MDGA2: variants seen among roughly 807,000 people sequenced by gnomAD.
MDGA2 encodes the protein MAM domain containing glycosylphosphatidylinositol anchor 2.
A neutral mutation model predicts 117.8 loss-of-function variants in MDGA2; 40 were observed. The ratio of observed to expected loss-of-function variants is 0.34; its 90% CI spans 0.26 to 0.44. The LOEUF (loss-of-function observed/expected upper bound fraction) is 0.44. Ranked by LOEUF, MDGA2 falls within the 20% of genes least tolerant of loss-of-function variation. MDGA2 has a pLI of 1.00. For synonymous variants in MDGA2, 452 were observed against 439.0 expected (o/e 1.03, Z -0.37); for missense variants, 1,123 against 1,250.6 (o/e 0.90, Z 1.54).
At chr14:47,200,352 G>A (rs1885446807) in intron 3 of MDGA2, among the ~76,000 whole-genome samples, 2 of 151,624 alleles carry the variant, frequency 1.3e-5, no homozygotes, top group South Asian at 2.1e-4. Flanking sequence ...AGAACAGAAT[G>A]AACGAAACAA....
chr14:46,982,738 C>CAAAAAAAAAAAAAA (rs1566558888), intron 8 of MDGA2, among the ~76,000 whole-genome samples: 1 of 120,260 alleles, frequency 8.3e-6, no homozygotes, highest in African/African-American at 3.1e-5. Context: ...AAAAAAAAAT[C>CAAAAAAAAAAAAAA]ATGTCATCTG....
chr14:47,259,848 T>G (rs1035441410), intron 2 of MDGA2, among the ~76,000 whole-genome samples: 1 of 152,004 alleles, frequency 6.6e-6, no homozygotes, highest in African/African-American at 2.4e-5. Context: ...GAAAGAGGGC[T>G]AGTTGAAGAA....
chr14:47,358,038 T>C (rs1216057440), intron 1 of MDGA2, among the ~76,000 whole-genome samples: 1 of 152,104 alleles, frequency 6.6e-6, no homozygotes, highest in African/African-American at 2.4e-5. Flanking sequence ...CACCTTGAGG[T>C]CTTGTTTCAA....
intron 1 of MDGA2, among the ~76,000 whole-genome samples, chr14:47,324,207 T>C (rs986062753): frequency 6.6e-6 from 1 of 152,002 alleles, no homozygotes; most frequent in African/African-American, 2.4e-5. Context: ...ATCACACCAT[T>C]GCGCTCCAGC....
At chr14:47,402,573 G>A (rs568098373) in intron 1 of MDGA2, among the ~76,000 whole-genome samples, 1 of 152,238 alleles carries the variant, frequency 6.6e-6, no homozygotes, top group East Asian at 1.9e-4. Context: ...TTGCTGGAAC[G>A]ATGTAGAAAA....
chr14:47,085,047 A>G (rs1315754718), intron 6 of MDGA2, among the ~76,000 whole-genome samples: 1 of 152,096 alleles, frequency 6.6e-6, no homozygotes, highest in African/African-American at 2.4e-5. Context: ...ATAAAGTTCT[A>G]AATAATCCTT....
At chr14:46,983,560 T>G (rs1168514351) in intron 8 of MDGA2, among the ~76,000 whole-genome samples, 1 of 152,130 alleles carries the variant, frequency 6.6e-6, no homozygotes, top group Non-Finnish European at 1.5e-5. Context: ...CACTGGAGAA[T>G]TAAAAATTAA....
At chr14:47,295,626 G>A (rs200892485) in intron 2 of MDGA2, among the ~76,000 whole-genome samples, 7 of 152,084 alleles carry the variant, frequency 4.6e-5, no homozygotes, top group East Asian at 3.9e-4. Context: ...ATTATAGGCC[G>A]GGCGCAGTGG....
chr14:47,570,645 A>G, intron 1 of MDGA2, among the ~76,000 whole-genome samples: 1 of 152,216 alleles, frequency 6.6e-6, no homozygotes, highest in Non-Finnish European at 1.5e-5. Context: ...TACAGAAACA[A>G]GCAATGGGGA....
chr14:47,274,764 A>C (rs981997158), intron 2 of MDGA2, among the ~76,000 whole-genome samples: 1 of 152,096 alleles, frequency 6.6e-6, no homozygotes, highest in African/African-American at 2.4e-5. Context: ...ATTTTAGTGA[A>C]TATAAAGTGG....
At chr14:47,170,837 T>A (rs1355664219) in intron 3 of MDGA2, among the ~76,000 whole-genome samples, 1 of 152,206 alleles carries the variant, frequency 6.6e-6, no homozygotes, top group Admixed American at 6.5e-5. Flanking sequence ...TTCATTTTCC[T>A]AGATGAAAGT....
chr14:47,362,135 G>A (rs980745143), intron 1 of MDGA2, among the ~76,000 whole-genome samples: 2 of 152,024 alleles, frequency 1.3e-5, no homozygotes, highest in South Asian at 2.1e-4. Context: ...TATCCCAAGT[G>A]GCCTTGGATT....
rs10528657 is a variant in MDGA2 at position 47,673,632 on chromosome 14, A to ATGTGTGTGTGTGTGTGTGTGTGTGTGTG, written c.280+857_280+884dup. On this transcript the variant is annotated intron_variant, in intron 1 of 16. Transcript: ENST00000399232. ...TAGTCCACTATTAACTATGACCTGG[A>ATGTGTGTGTGTGTGTGTGTGTGTGTGTG]TGTGTGTGTGTGTGTGTGTGTGTGT... is the stretch of plus-strand genomic sequence containing the variant. Among the ~76,000 whole-genome samples, 2 of 143,980 alleles carry ATGTGTGTGTGTGTGTGTGTGTGTGTGTG rather than the reference A, an allele frequency of 1.4e-5. 1 individual carries two copies. Among genetic ancestry groups the ATGTGTGTGTGTGTGTGTGTGTGTGTGTG allele is most frequent in the African/African-American group, 5.2e-5 (2 of 38,584 alleles). 94.5% of individuals were successfully genotyped at this position (143,980 alleles called of 152,430 possible).
intron 1 of MDGA2, among the ~76,000 whole-genome samples, chr14:47,563,200 AAT>A (rs1481429571): frequency 6.6e-6 from 1 of 152,070 alleles, no homozygotes; most frequent in Non-Finnish European, 1.5e-5. Context: ...AGATAAGAGG[AAT>A]GTATATTCTG....
intron 1 of MDGA2, among the ~76,000 whole-genome samples, chr14:47,450,210 T>C (rs1468513891): frequency 6.6e-6 from 1 of 152,076 alleles, no homozygotes. Flanking sequence ...AAATGGGACT[T>C]AGCATGTGGT....
chr14:47,670,004 G>A (rs1325729119), intron 1 of MDGA2, among the ~76,000 whole-genome samples: 8 of 152,128 alleles, frequency 5.3e-5, no homozygotes, highest in Non-Finnish European at 1.2e-4. Flanking sequence ...AATACCATCT[G>A]AAATATCTTC....
chr14:47,200,022 G>T (rs2139436816), intron 3 of MDGA2, among the ~76,000 whole-genome samples: 1 of 151,936 alleles, frequency 6.6e-6, no homozygotes, highest in Non-Finnish European at 1.5e-5. Flanking sequence ...AAATGAAAGA[G>T]AAAATTAGGA....
At chr14:46,944,490 G>C (rs1007228839) in intron 9 of MDGA2, among the ~76,000 whole-genome samples, 4 of 151,706 alleles carry the variant, frequency 2.6e-5, no homozygotes, top group Admixed American at 2.6e-4. Flanking sequence ...TTGGATCTGT[G>C]GGTTTGCTTC....
intron 3 of MDGA2, among the ~76,000 whole-genome samples, chr14:47,191,391 T>C (rs925014753): frequency 4.1e-5 from 6 of 147,900 alleles, no homozygotes; most frequent in Admixed American, 2.0e-4. Context: ...AATGTATACA[T>C]TTAGGAAATA....
Sources: gnomAD v4.1 joint callset for allele counts (sites outside exome capture counted in the v4.1 genomes callset) on GRCh38, gnomAD v4.1.1 for gene constraint, MANE v1.5 for transcripts, NCBI Gene and HGNC (gene_info 2026-07-23, HGNC 2026-07-21) for gene names.